Variants in GSE1 observed in about 807,000 individuals in gnomAD.
The protein encoded by GSE1 is Gse1 coiled-coil protein.
Under a neutral mutation model 112.6 loss-of-function variants are expected in GSE1, and 32 were observed. The ratio of observed to expected loss-of-function variants is 0.28; its 90% confidence interval spans 0.21 to 0.38. The LOEUF is 0.38. GSE1 is among the 10% of genes least tolerant of loss of function. The pLI is 1.00. For missense variants in GSE1, 2,348 were observed against 1,699.2 expected (o/e 1.38, Z -6.71); for synonymous variants, 1,115 against 735.6 (o/e 1.52, Z -8.35).
chr16:85,422,056 G>A (rs954009185), intron 2 of GSE1, among the ~76,000 whole-genome samples: 2 of 152,106 alleles, frequency 1.3e-5, no homozygotes, highest in Non-Finnish European at 2.9e-5. Context: ...CCCATGTACA[G>A]GAACAGCCCA....
At chr16:85,328,179 G>T (rs1414827221) in intron 1 of GSE1, among the ~76,000 whole-genome samples, 1 of 152,238 alleles carries the variant, frequency 6.6e-6, no homozygotes, top group Non-Finnish European at 1.5e-5. Flanking sequence ...CAGAACATAC[G>T]ACAGCAGAGT....
rs184657249 is a variant in GSE1 at position 85,645,384 on chromosome 16, G to A, written c.227-3168G>A. On this transcript the variant is annotated intron_variant, in intron 2 of 15. Coordinates refer to ENST00000253458, the MANE Select transcript of GSE1 (RefSeq NM_014615.5). ...CGTGGCCGATCTGGCTAGACGGAGT[G>A]TCTGTTGTGGAGCTGCCCTATCCAG... Among the ~76,000 whole-genome samples, 404 of 152,232 alleles carry A rather than the reference G, an allele frequency of 2.7e-3. 2 individuals are homozygous for A. Among genetic ancestry groups the A allele is most frequent in the African/African-American group, 8.5e-3 (354 of 41,540 alleles).
chr16:85,479,839 A>C (rs1001097963), intron 2 of GSE1, among the ~76,000 whole-genome samples: 3 of 152,208 alleles, frequency 2.0e-5, no homozygotes, highest in East Asian at 1.9e-4. Context: ...GGGCTGTCAT[A>C]ATTCCTAGTA....
chr16:85,360,397 C>G (rs1437738133), intron 2 of GSE1, among the ~76,000 whole-genome samples: 2 of 152,126 alleles, frequency 1.3e-5, no homozygotes, highest in African/African-American at 4.8e-5. Context: ...AGGGCCGGGG[C>G]ACGAACCTGC....
chr16:85,671,198 A>G (rs2053301018), intron 15 of GSE1, 100 bp downstream of exon 15: 1 of 656,880 alleles, frequency 1.5e-6, no homozygotes, highest in Non-Finnish European at 2.7e-6. Context: ...ATGTGCTCTT[A>G]AGAGATCAAA....
At chr16:85,357,714 T>C in intron 2 of GSE1, 3 of 1,036,300 alleles carry the variant, frequency 2.9e-6, no homozygotes, top group Non-Finnish European at 3.9e-6. Flanking sequence ...GGATGGGGGC[T>C]CCCAGAGCCG....
At chr16:85,281,925 C>T (rs1048580365) in intron 1 of GSE1, among the ~76,000 whole-genome samples, 2 of 152,182 alleles carry the variant, frequency 1.3e-5, no homozygotes, top group African/African-American at 2.4e-5. Context: ...CTCACAGTCC[C>T]CAGGTTTGCC....
At chr16:85,579,061 G>C (rs184978650) in intron 1 of GSE1, among the ~76,000 whole-genome samples, 2 of 152,308 alleles carry the variant, frequency 1.3e-5, no homozygotes, top group South Asian at 2.1e-4. Context: ...AGCATCTTGG[G>C]ATTTAAGGTT....
intron 2 of GSE1, among the ~76,000 whole-genome samples, chr16:85,502,619 T>C (rs932343956): frequency 1.3e-5 from 2 of 152,242 alleles, no homozygotes; most frequent in African/African-American, 2.4e-5. Context: ...CTGCGAGGCC[T>C]CTGCTCTTGA....
At chr16:85,222,815 G>T (rs2075416806) in intron 1 of GSE1, among the ~76,000 whole-genome samples, 1 of 152,176 alleles carries the variant, frequency 6.6e-6, no homozygotes, top group African/African-American at 2.4e-5. Context: ...TCCCGCTGCT[G>T]ACGGGCCTCC....
chr16:85,487,224 C>T (rs769367200), intron 2 of GSE1, among the ~76,000 whole-genome samples: 2 of 152,184 alleles, frequency 1.3e-5, no homozygotes, highest in Non-Finnish European at 1.5e-5. Flanking sequence ...CCTCCTCACC[C>T]CCCCAGGAAA....
chr16:85,497,400 A>G (rs13333438), intron 2 of GSE1, among the ~76,000 whole-genome samples: 11,145 of 152,182 alleles, frequency 0.073, 804 homozygotes, highest in East Asian at 0.38. Context: ...TTCCTCATCT[A>G]TAGAATGGGG....
chr16:85,550,049 G>A (rs777354509), intron 2 of GSE1, among the ~76,000 whole-genome samples: 1 of 152,206 alleles, frequency 6.6e-6, no homozygotes, highest in African/African-American at 2.4e-5. Flanking sequence ...TGCTCATGGA[G>A]TCTCTGTGTG....
intron 1 of GSE1, among the ~76,000 whole-genome samples, chr16:85,574,037 G>A (rs908917163): frequency 1.3e-5 from 2 of 152,172 alleles, no homozygotes; most frequent in Admixed American, 1.3e-4. Flanking sequence ...ACTGGCTTGG[G>A]AGAGGCCCGC....
chr16:85,426,047 ATGGATGGATGGAT>A (rs1567476992), intron 2 of GSE1, among the ~76,000 whole-genome samples: 7 of 123,498 alleles, frequency 5.7e-5, no homozygotes, highest in Non-Finnish European at 1.1e-4. Context: ...GGATGGATGG[ATGGATGGATGGAT>A]GGATGGATGG....
At chr16:85,170,642 G>T in exon 1 of GSE1, 1 of 985,526 alleles carries the variant, frequency 1.0e-6, no homozygotes, top group Non-Finnish European at 1.2e-6. Context: ...TACATCTGCG[G>T]GGCCCCGCTG....
intron 1 of GSE1, among the ~76,000 whole-genome samples, chr16:85,630,245 A>G (rs2049429899): frequency 6.6e-6 from 1 of 152,342 alleles, no homozygotes; most frequent in South Asian, 2.1e-4. Context: ...TGCTGCTTCC[A>G]TTATACTCTG....
upstream of GSE1, among the ~76,000 whole-genome samples, chr16:85,612,294 G>C (rs2048043137): frequency 6.6e-6 from 1 of 152,114 alleles, no homozygotes; most frequent in African/African-American, 2.4e-5. Flanking sequence ...GGGAAGGCTG[G>C]GGCCTTCAGT....
chr16:85,583,384 T>C (rs2046538278), intron 1 of GSE1: 1 of 152,384 alleles, frequency 6.6e-6, no homozygotes, highest in Non-Finnish European at 1.5e-5. Context: ...GCTGACGGCT[T>C]CCAGGTCTGG....
Sources: allele counts gnomAD v4.1 joint callset (sites outside exome capture counted in the v4.1 genomes callset), GRCh38; gene constraint gnomAD v4.1.1; transcripts MANE v1.5; gene names NCBI Gene and HGNC (gene_info 2026-07-23, HGNC 2026-07-21).